Variants in MCM9 observed in about 807,000 individuals in gnomAD.
The protein encoded by MCM9 is DNA helicase MCM9.
Under a neutral mutation model 72.8 loss-of-function variants are expected in MCM9, and 55 were observed. The ratio of observed to expected loss-of-function variants is 0.76; its 90% CI spans 0.61 to 0.95. MCM9 has a LOEUF of 0.95. Ranked by LOEUF, MCM9 falls within the 40% of genes least tolerant of loss-of-function variation. The probability of loss-of-function intolerance (pLI) is 0.00; values close to 1 mark genes in which losing one functional copy is unlikely to be tolerated. For missense variants in MCM9, 1,279 were observed against 1,377.0 expected (o/e 0.93, Z 1.13); for synonymous variants, 480 against 503.4 (o/e 0.95, Z 0.62).
In MCM9 at chr6:118,815,849, G is replaced by A. The variant is rs1373512843; in HGVS notation, c.2407C>T (p.Pro803Ser). The A allele has an allele frequency of 1.3e-6, 2 of 1,540,178 alleles. No homozygotes were observed. Among genetic ancestry groups the A allele is most frequent in the Non-Finnish European group, 1.7e-6 (2 of 1,147,004 alleles). ...SKVDIGLLPSPGETGVPWRAD... is the reference protein window; with the variant it reads ...SKVDIGLLPSSGETGVPWRAD... ...CTCCATGGAACACCTGTCTCTCCTG[G>A]TGATGGAAGCAACCCAATGTCCACT... Residue 803 changes from proline (P) to serine (S), a missense_variant, in exon 14 of 14, where the codon CCA becomes TCA. By Grantham distance (74) the Pro-to-Ser change is moderately conservative. Transcript: ENST00000619706.
In MCM9 at chr6:118,923,915, G is replaced by A; in HGVS notation, c.517C>T (p.Pro173Ser). ...YYTFCRPSSC[P>S]SLESCDSSKF... ...GAGGAATCACAGCTCTCCAAGCTGG[G>A]ACACGAGGATGGCCGGCAAAAGGTG... is the stretch of plus-strand genomic sequence containing the variant. Residue 173 changes from proline (P) to serine (S), a missense_variant, in exon 4 of 14, where the codon CCC becomes TCC. Coordinates refer to ENST00000619706, the MANE Select transcript of MCM9 (RefSeq NM_017696.3). 1 of 1,614,214 alleles carries A rather than the reference G, an allele frequency of 6.2e-7. No homozygotes were observed. The highest frequency in any genetic ancestry group is 8.5e-7 in the Non-Finnish European group (1 of 1,180,022).
At chr6:118,842,241 G>T (rs925034575) in intron 9 of MCM9, among the ~76,000 whole-genome samples, 16 of 152,186 alleles carry the variant, frequency 1.1e-4, no homozygotes, top group Admixed American at 6.5e-4. Flanking sequence ...CCTAAAATGT[G>T]TCTTCAACAA....
chr6:118,880,266 A>G (rs1778204332), intron 8 of MCM9, among the ~76,000 whole-genome samples: 1 of 152,194 alleles, frequency 6.6e-6, no homozygotes, highest in East Asian at 1.9e-4. Context: ...TTCAAAAGAA[A>G]TTAACTGAGA....
intron 9 of MCM9, among the ~76,000 whole-genome samples, chr6:118,836,671 T>A (rs1351586589): frequency 6.6e-6 from 1 of 152,226 alleles, no homozygotes; most frequent in South Asian, 2.1e-4. Context: ...AGTATGTATT[T>A]CTGTGGGATC....
At chr6:118,875,761 G>C (rs1266238128) in intron 8 of MCM9, among the ~76,000 whole-genome samples, 2 of 152,174 alleles carry the variant, frequency 1.3e-5, no homozygotes, top group African/African-American at 2.4e-5. Flanking sequence ...TGGAGCAACA[G>C]GAATTGTCAT....
At chr6:118,845,525 AT>A (rs1050819566) in intron 9 of MCM9, among the ~76,000 whole-genome samples, 25 of 151,912 alleles carry the variant, frequency 1.6e-4, no homozygotes, top group African/African-American at 5.8e-4. Flanking sequence ...TTTTAAAAAA[AT>A]TTTTTTGTTG....
rs775277739 is a variant in MCM9, at chr6:118,905,640, A to T, written c.1150+6010T>A. On this transcript the variant is annotated intron_variant, in intron 8 of 13. Transcript: ENST00000619706. ...GTGTGTGTGTGTTTCTTTTCTTTTT[A>T]ATTTATTCTAGGCTGATGCACCTAA... 1 of 1,578,240 alleles carries T rather than the reference A, an allele frequency of 6.3e-7. No homozygotes were observed. The highest frequency in any genetic ancestry group is 2.3e-5 in the East Asian group (1 of 44,078).
At position 118,827,984 on chromosome 6, in the gene MCM9, G is replaced by A. The variant is rs1048022472; in HGVS notation, c.1675C>T (p.Arg559Trp). 1.7e-5 allele frequency: 27 copies of A among 1,550,960 alleles called. No individual in the cohort carries two copies. The highest frequency in any genetic ancestry group is 2.7e-5 in the African/African-American group (2 of 73,140). ...CGAATGGTGGTCCGGGCAGCGTTCC[G>A]GCAATCACTCTGCCTTTGCATCTGG... ...YYQMQRQSDC[R>W]NAARTTIRLL... is the part of the protein sequence containing the mutation. Residue 559 changes from arginine (R) to tryptophan (W), a missense_variant, in exon 11 of 14, where the codon CGG becomes TGG. Physicochemically the swap from Arg to Trp is moderately radical, Grantham distance 101. Coordinates refer to ENST00000619706, the MANE Select transcript of MCM9 (RefSeq NM_017696.3).
Position 118,911,661 on chromosome 6 carries a change from G to C in MCM9, c.1139C>G (p.Ser380Cys), listed in dbSNP as rs746227371. 45 of 1,610,708 alleles carry C rather than the reference G, an allele frequency of 2.8e-5. No homozygotes were observed. Among genetic ancestry groups the C allele is most frequent in the Non-Finnish European group, 3.5e-5 (41 of 1,178,236 alleles). The part of the protein sequence containing the change: ...PRSVLTTGIG[S>C]TSAGLTVTAV... ...GTCACATACAATACCTGCACTAGTA[G>C]ATCCAATTCCTGTGGTCAGCACAGA... Residue 380 changes from serine to cysteine, a missense_variant, in exon 8 of 14, where the codon TCT becomes TGT. Ser to Cys is a moderately radical substitution (Grantham distance 112). Transcript: ENST00000619706.
intron 7 of MCM9, chr6:118,913,053 T>C: frequency 4.6e-6 from 2 of 437,852 alleles, no homozygotes; most frequent in Non-Finnish European, 8.1e-6. Flanking sequence ...GGCATCCTTA[T>C]AGGCTATAGC....
rs1554258631 is a variant in MCM9, at chr6:118,867,879, C to CTTTTTTTTTTTTTTTTTTTTT, written c.1151-11335_1151-11334insAAAAAAAAAAAAAAAAAAAAA. ...TTAATTATATTTCTTTTTTCTTTTT[C>CTTTTTTTTTTTTTTTTTTTTT]TTTTTCTTTTTTTTTGAGATGAAGT... On this transcript the variant is annotated intron_variant, in intron 8 of 13. Transcript: ENST00000619706. Among the ~76,000 whole-genome samples the CTTTTTTTTTTTTTTTTTTTTT allele has an allele frequency of 2.2e-5, 3 of 137,484 alleles. 1 individual carries two copies. Among genetic ancestry groups the CTTTTTTTTTTTTTTTTTTTTT allele is most frequent in the Non-Finnish European group, 3.1e-5 (2 of 64,496 alleles). The allele number at this position is 137,484 out of a possible 152,430, so 90.2% of individuals were successfully genotyped here.
At chr6:118,911,459 A>C (rs1254601960) in intron 8 of MCM9, 191 bp downstream of exon 8, 2 of 1,304,390 alleles carry the variant, frequency 1.5e-6, no homozygotes, top group African/African-American at 3.0e-5. Context: ...TAAGATGCAA[A>C]GTGAAGGTGG....
At chr6:118,880,082 A>C (rs1315785630) in intron 8 of MCM9, among the ~76,000 whole-genome samples, 1 of 152,114 alleles carries the variant, frequency 6.6e-6, no homozygotes, top group African/African-American at 2.4e-5. Flanking sequence ...AAGAAAAAGA[A>C]AGAATAAAAA....
At chr6:118,854,291 C>T (rs1005975588) in intron 9 of MCM9, among the ~76,000 whole-genome samples, 13 of 152,290 alleles carry the variant, frequency 8.5e-5, no homozygotes, top group East Asian at 7.7e-4. Flanking sequence ...CCTTAATTTG[C>T]TCCTAATCTT....
rs139860525 is a variant in MCM9, at chr6:118,818,078, T to C, written c.1962-1784A>G. Among the ~76,000 whole-genome samples the C allele has an allele frequency of 1.0e-3, 152 of 152,350 alleles. 2 individuals carry two copies. The East Asian group carries it at 0.028, about 28-fold the overall frequency. On this transcript the variant is annotated intron_variant, in intron 13 of 13. Transcript: ENST00000619706. ...AAAAATTTTCTCACATTCTATAAGT[T>C]GCCTGTTCACTCTGATGATAGTTTA...
At chr6:118,828,944 A>G in intron 10 of MCM9, 104 bp downstream of exon 10, 2 of 1,169,954 alleles carry the variant, frequency 1.7e-6, no homozygotes, top group South Asian at 2.9e-5. Context: ...GCCTGGTACT[A>G]CATAGCCTAT....
intron 9 of MCM9, among the ~76,000 whole-genome samples, chr6:118,830,886 T>TG (rs1774496038): frequency 6.6e-6 from 1 of 152,070 alleles, no homozygotes. Context: ...AAAGAAGAGG[T>TG]GGAGCAGAGT....
chr6:118,823,626 C>A (rs1326417205), intron 13 of MCM9, among the ~76,000 whole-genome samples: 9 of 152,094 alleles, frequency 5.9e-5, no homozygotes. Context: ...ATTGTAGTTC[C>A]CTAGAAGTAG....
rs531481919 is a variant in MCM9, at chr6:118,933,598, T to C, written c.-149-858A>G. ...ACTTAAATTTGACTTACTTCATTTGTCCAACATTTATTGTACTGGACTCTA... is the reference window on the plus strand; with the variant it reads ...ACTTAAATTTGACTTACTTCATTTGCCCAACATTTATTGTACTGGACTCTA... On this transcript the variant is annotated intron_variant, in intron 1 of 13. Transcript: ENST00000619706. Among the ~76,000 whole-genome samples the C allele has an allele frequency of 1.6e-4, 24 of 152,260 alleles. No homozygotes were observed. In the South Asian group the frequency reaches 4.3e-3, roughly 28 times the overall value.
Sources: gnomAD v4.1 joint callset for allele counts (sites outside exome capture counted in the v4.1 genomes callset) on GRCh38, gnomAD v4.1.1 for gene constraint, MANE v1.5 for transcripts, NCBI Gene and HGNC (gene_info 2026-07-23, HGNC 2026-07-21) for gene names.